Variants in THRB observed in about 807,000 individuals in gnomAD.
THRB encodes thyroid hormone receptor beta.
Under a neutral mutation model 47.8 loss-of-function variants are expected in THRB, and 12 were observed. The observed-to-expected ratio is 0.25, with a 90% CI of 0.16 to 0.41. THRB has a LOEUF of 0.41. THRB is among the 10% of genes least tolerant of loss of function. The pLI, the probability that THRB is intolerant of heterozygous loss-of-function variation, is 1.00. For missense variants in THRB, 348 were observed against 589.2 expected, an observed-to-expected ratio of 0.59 and a Z score of 4.24; for synonymous variants, 218 against 212.2, an observed-to-expected ratio of 1.03 and a Z score of -0.24.
At chr3:24,240,123 G>GCT (rs749717389) in intron 3 of THRB, among the ~76,000 whole-genome samples, 6 of 152,194 alleles carry the variant, frequency 3.9e-5, no homozygotes, top group Non-Finnish European at 7.3e-5. Context: ...GAAAAGTCTA[G>GCT]AAGTGTGATT....
chr3:24,452,660 C>T (rs997482530), intron 1 of THRB, among the ~76,000 whole-genome samples: 3 of 151,952 alleles, frequency 2.0e-5, no homozygotes, highest in Non-Finnish European at 4.4e-5. Context: ...CAAGCAGAAA[C>T]GTGGGGGCTG....
In THRB at chr3:24,122,712, A is replaced by C. The variant is rs1157568957; in HGVS notation, c.*172T>G. On this transcript the variant is annotated 3_prime_UTR_variant, in exon 11 of 11. Coordinates refer to ENST00000646209, the MANE Select transcript of THRB (RefSeq NM_001354712.2). ...CCGGAGAACGAAATGCAATAGTTTC[A>C]AGTACCCGCATTCAAGGGGCAATTT... is the stretch of plus-strand genomic sequence containing the variant. 9 of 828,192 alleles carry C rather than the reference A, an allele frequency of 1.1e-5. No homozygotes were observed. The highest frequency in any genetic ancestry group is 1.7e-5 in the Non-Finnish European group (9 of 519,698). 51.3% of individuals were successfully genotyped at this position (828,192 alleles called of 1,614,324 possible). A position where few individuals can be genotyped will look rare whatever the true frequency, so the allele number is the denominator to read the frequency against.
Position 24,366,867 on chromosome 3 carries a change from C to T in THRB, c.-260-29496G>A, listed in dbSNP as rs142122070. On this transcript the variant is annotated intron_variant, in intron 1 of 10. Transcript: ENST00000646209. ...ATCTCCTGACCTTTTGATCCACCCACCCACTTCGGCCTCCCAAAGTGCTGA... is the reference window on the plus strand; with the variant it reads ...ATCTCCTGACCTTTTGATCCACCCATCCACTTCGGCCTCCCAAAGTGCTGA... Among the ~76,000 whole-genome samples the T allele has an allele frequency of 8.5e-5, 13 of 152,138 alleles. No homozygotes were observed. In the East Asian group the frequency reaches 1.2e-3, roughly 14 times the overall value.
At chr3:24,314,015 C>T (rs930767532) in intron 2 of THRB, among the ~76,000 whole-genome samples, 19 of 152,242 alleles carry the variant, frequency 1.2e-4, no homozygotes, top group African/African-American at 3.9e-4. Flanking sequence ...TTCTTCTTTT[C>T]GATTCATGAC....
rs192635169 is a variant in THRB at position 24,397,668 on chromosome 3, T to C, written c.-260-60297A>G. ...CAGGCTGGAGTGCAGTGGTGCTATC[T>C]GCCTCCTGGGTTCAAGCGATTCTCC... On this transcript the variant is annotated intron_variant, in intron 1 of 10. Transcript: ENST00000646209. Among the ~76,000 whole-genome samples, 769 of 150,784 alleles carry C rather than the reference T, an allele frequency of 5.1e-3. 10 individuals are homozygous for C. The highest frequency in any genetic ancestry group is 0.017 in the African/African-American group (712 of 41,082).
At chr3:24,330,580 T>A (rs2061862487) in intron 2 of THRB, among the ~76,000 whole-genome samples, 1 of 152,222 alleles carries the variant, frequency 6.6e-6, no homozygotes, top group Admixed American at 6.5e-5. Flanking sequence ...ACAGTTGGTG[T>A]GTGTTTTTCC....
chr3:24,204,878 C>T lies in THRB; in HGVS notation c.23-14544G>A, dbSNP rs556221005. On this transcript the variant is annotated intron_variant, in intron 4 of 10. Coordinates refer to ENST00000646209, the MANE Select transcript of THRB (RefSeq NM_001354712.2). ...AATTCACAAGCTTCAGTAGCCGATT[C>T]GATCAACTGGAAGAAAGGGTATCAG... is the stretch of plus-strand genomic sequence containing the variant. Among the ~76,000 whole-genome samples, 172 of 152,022 alleles carry T rather than the reference C, an allele frequency of 1.1e-3. 1 individual carries two copies. Among genetic ancestry groups the T allele is most frequent in the African/African-American group, 3.9e-3 (163 of 41,374 alleles).
intron 2 of THRB, among the ~76,000 whole-genome samples, chr3:24,336,223 A>T (rs577775696): frequency 6.6e-6 from 1 of 152,226 alleles, no homozygotes; most frequent in Non-Finnish European, 1.5e-5. Flanking sequence ...GGGGGCCCCA[A>T]GGGAGGGCCT....
At chr3:24,311,047 C>T (rs974069523) in intron 2 of THRB, among the ~76,000 whole-genome samples, 1 of 152,120 alleles carries the variant, frequency 6.6e-6, no homozygotes, top group Admixed American at 6.5e-5. Flanking sequence ...GTGTCTGTCT[C>T]TCCCACATTC....
rs2031619510 is a variant in THRB at position 24,121,178 on chromosome 3, G to C, written c.*1706C>G. 1 of 152,180 alleles carries C rather than the reference G, an allele frequency of 6.6e-6. No homozygotes were observed. Among genetic ancestry groups the C allele is most frequent in the Non-Finnish European group, 1.5e-5 (1 of 68,016 alleles). The allele number at this position is 152,180 out of a possible 1,614,324, so 9.4% of individuals were successfully genotyped here. ...ATTCAGACAATATTAAGGGCAGGAA[G>C]GGTTTTAGAGATCATGACTTATTCA... On this transcript the variant is annotated 3_prime_UTR_variant, in exon 11 of 11. Coordinates refer to ENST00000646209, the MANE Select transcript of THRB (RefSeq NM_001354712.2).
At chr3:24,274,048 A>G (rs953039181) in intron 3 of THRB, among the ~76,000 whole-genome samples, 5 of 151,824 alleles carry the variant, frequency 3.3e-5, no homozygotes, top group African/African-American at 1.2e-4. Context: ...TCAATCCTCT[A>G]TTTTTTTTCT....
chr3:24,208,122 A>G (rs2149812700), intron 4 of THRB, among the ~76,000 whole-genome samples: 1 of 152,310 alleles, frequency 6.6e-6, no homozygotes, highest in Non-Finnish European at 1.5e-5. Context: ...TAAAATACCT[A>G]GGAATCCAAC....
intron 2 of THRB, among the ~76,000 whole-genome samples, chr3:24,316,059 A>G (rs560224397): frequency 6.6e-6 from 1 of 152,284 alleles, no homozygotes; most frequent in Non-Finnish European, 1.5e-5. Flanking sequence ...TATGAATTGA[A>G]AATGCTTTAT....
intron 1 of THRB, among the ~76,000 whole-genome samples, chr3:24,457,252 C>G (rs1364040041): frequency 6.6e-6 from 1 of 152,156 alleles, no homozygotes; most frequent in East Asian, 1.9e-4. Flanking sequence ...AAGCTATACT[C>G]ACCCTTCACC....
intron 1 of THRB, among the ~76,000 whole-genome samples, chr3:24,373,985 C>A (rs1207939862): frequency 1.3e-5 from 2 of 151,962 alleles, no homozygotes; most frequent in African/African-American, 2.4e-5. Flanking sequence ...TCTTTCACTA[C>A]ATGGCTGTGC....
intron 1 of THRB, among the ~76,000 whole-genome samples, chr3:24,408,564 C>T (rs2150150155): frequency 6.6e-6 from 1 of 151,924 alleles, no homozygotes; most frequent in East Asian, 2.0e-4. Flanking sequence ...CATATTTGGA[C>T]ATTTGTTTCC....
chr3:24,152,674 T>C (rs1559465057), intron 5 of THRB, among the ~76,000 whole-genome samples, 184 bp from the exon 6 acceptor site: 1 of 151,988 alleles, frequency 6.6e-6, no homozygotes, highest in Non-Finnish European at 1.5e-5. Flanking sequence ...GCCCAGGATT[T>C]CAGAATGCCT....
At chr3:24,269,403 GCACACACACACACACACACACACA>G (rs200586026) in intron 3 of THRB, among the ~76,000 whole-genome samples, 4 of 72,634 alleles carry the variant, frequency 5.5e-5, no homozygotes, top group Admixed American at 1.2e-4. Context: ...GCGCGCGCGC[GCACACACACACACACACACACACA>G]CACACACACA....
intron 1 of THRB, among the ~76,000 whole-genome samples, chr3:24,438,429 G>C (rs1433465468): frequency 6.6e-6 from 1 of 151,970 alleles, no homozygotes; most frequent in Non-Finnish European, 1.5e-5. Flanking sequence ...GAACACTGTT[G>C]CTAGATATGA....
Sources: allele counts gnomAD v4.1 joint callset (sites outside exome capture counted in the v4.1 genomes callset), GRCh38; gene constraint gnomAD v4.1.1; transcripts MANE v1.5; gene names NCBI Gene and HGNC (gene_info 2026-07-23, HGNC 2026-07-21).